The following MEIKIN variants were observed in gnomAD, a reference collection of about 807,000 sequenced individuals.
The protein encoded by MEIKIN is meiotic kinetochore factor.
chr5:131,927,650 G>A (rs905249217), intron 5 of MEIKIN, among the ~76,000 whole-genome samples: 1 of 152,120 alleles, frequency 6.6e-6, no homozygotes, highest in Non-Finnish European at 1.5e-5. Flanking sequence ...GATGTTGGGT[G>A]CATACATATT....
At chr5:131,873,526 T>C (rs1750546902) in intron 9 of MEIKIN, among the ~76,000 whole-genome samples, 1 of 152,168 alleles carries the variant, frequency 6.6e-6, no homozygotes, top group Non-Finnish European at 1.5e-5. Context: ...ACAAAGAGAC[T>C]TAGACTCCCA....
intron 11 of MEIKIN, among the ~76,000 whole-genome samples, chr5:131,829,154 G>A (rs1218211501): frequency 6.6e-6 from 1 of 151,922 alleles, no homozygotes; most frequent in African/African-American, 2.4e-5. Flanking sequence ...GCTTCTCAAA[G>A]CAACACTGGA....
intron 7 of MEIKIN, among the ~76,000 whole-genome samples, chr5:131,912,941 A>G (rs370738008): frequency 6.6e-5 from 10 of 152,290 alleles, no homozygotes; most frequent in African/African-American, 2.4e-4. Context: ...TTTGGAAACT[A>G]CACTTTGGGT....
chr5:131,929,246 G>A (rs1237379760), intron 5 of MEIKIN, among the ~76,000 whole-genome samples: 2 of 152,076 alleles, frequency 1.3e-5, no homozygotes, highest in Admixed American at 1.3e-4. Context: ...TATGACTTTT[G>A]ACAACTCATT....
intron 8 of MEIKIN, among the ~76,000 whole-genome samples, chr5:131,885,078 T>C (rs1005338307): frequency 2.0e-5 from 3 of 152,184 alleles, no homozygotes; most frequent in African/African-American, 7.2e-5. Context: ...ACAGCCACTC[T>C]GGACCTGCCC....
chr5:131,910,796 A>G (rs1257904742), intron 8 of MEIKIN, among the ~76,000 whole-genome samples: 1 of 152,108 alleles, frequency 6.6e-6, no homozygotes. Context: ...TGGCTTATTT[A>G]ATTTTAAATT....
At position 131,921,907 on chromosome 5, in the gene MEIKIN, C is replaced by T. The variant is rs1751512000; in HGVS notation, c.513G>A (p.Gln171=). The T allele has an allele frequency of 2.5e-6, 1 of 398,900 alleles. No individual in the cohort carries two copies. The highest frequency in any genetic ancestry group is 4.4e-5 in the Admixed American group (1 of 22,718). 24.7% of individuals were successfully genotyped at this position (398,900 alleles called of 1,614,324 possible). Residue 171 remains glutamine, a synonymous_variant, in exon 6 of 13, where the codon CAG becomes CAA. Transcript: ENST00000442687. ...TATCCAGAAGAGTAGAATTCTTCCA[C>T]TGCATGTGTTCTTCCAAGTTGGGAC... ...WECPNLEEHM[Q]WKNSTLLDTS...
intron 11 of MEIKIN, among the ~76,000 whole-genome samples, chr5:131,824,527 A>G (rs920395037): frequency 7.2e-5 from 11 of 151,948 alleles, no homozygotes; most frequent in Admixed American, 5.2e-4. Context: ...GTCTTAAAAC[A>G]AAACAAAACA....
chr5:131,911,047 G>A (rs1278874797), intron 8 of MEIKIN, among the ~76,000 whole-genome samples: 1 of 151,964 alleles, frequency 6.6e-6, no homozygotes, highest in Non-Finnish European at 1.5e-5. Flanking sequence ...TTCTTCCAAT[G>A]CTAACCCTCC....
chr5:131,900,878 T>TG (rs1339851756), intron 8 of MEIKIN, among the ~76,000 whole-genome samples: 1 of 152,114 alleles, frequency 6.6e-6, no homozygotes, highest in Admixed American at 6.5e-5. Context: ...AGCCCTCCCA[T>TG]GCCCTCCCCC....
At chr5:131,825,375 T>G (rs1267430431) in intron 11 of MEIKIN, among the ~76,000 whole-genome samples, 2 of 152,162 alleles carry the variant, frequency 1.3e-5, no homozygotes, top group Non-Finnish European at 2.9e-5. Flanking sequence ...GCTGTTATAC[T>G]CAGGGTTACA....
intron 5 of MEIKIN, among the ~76,000 whole-genome samples, chr5:131,926,334 A>G (rs1051811407): frequency 7.9e-5 from 12 of 152,132 alleles, no homozygotes; most frequent in Non-Finnish European, 4.4e-5. Context: ...GTAGTGTATC[A>G]CTTTAGTTGA....
chr5:131,903,887 G>A (rs1471017466), intron 8 of MEIKIN, among the ~76,000 whole-genome samples: 1 of 150,994 alleles, frequency 6.6e-6, no homozygotes, highest in Non-Finnish European at 1.5e-5. Context: ...CTGTCTTCAA[G>A]AGATCCATCT....
intron 11 of MEIKIN, among the ~76,000 whole-genome samples, chr5:131,833,934 T>A (rs1749756741): frequency 6.6e-6 from 1 of 152,218 alleles, no homozygotes; most frequent in South Asian, 2.1e-4. Flanking sequence ...TATTCTCAGA[T>A]AATAAAAACT....
At chr5:131,814,782 A>G (rs1309061930) in intron 12 of MEIKIN, among the ~76,000 whole-genome samples, 1 of 152,150 alleles carries the variant, frequency 6.6e-6, no homozygotes, top group Non-Finnish European at 1.5e-5. Flanking sequence ...GCTAACTGGT[A>G]TCCTCTTTGT....
intron 9 of MEIKIN, among the ~76,000 whole-genome samples, chr5:131,856,877 C>T (rs2149617370): frequency 6.6e-6 from 1 of 151,400 alleles, no homozygotes; most frequent in South Asian, 2.1e-4. Context: ...TAGTTCTTAT[C>T]AATGCAGGTT....
chr5:131,810,227 T>C (rs967147148), intron 12 of MEIKIN, among the ~76,000 whole-genome samples: 1 of 152,240 alleles, frequency 6.6e-6, no homozygotes, highest in African/African-American at 2.4e-5. Flanking sequence ...TCACTAAAGA[T>C]AACATATGCA....
chr5:131,824,848 C>T (rs1265549555), intron 11 of MEIKIN, among the ~76,000 whole-genome samples: 1 of 151,846 alleles, frequency 6.6e-6, no homozygotes, highest in Non-Finnish European at 1.5e-5. Context: ...ATTTAGGAAG[C>T]CCAATCCCAA....
rs182045292 is a variant in MEIKIN, at chr5:131,865,306, G to A, written c.775-10472C>T. On this transcript the variant is annotated intron_variant, in intron 9 of 12. Coordinates refer to ENST00000442687, the MANE Select transcript of MEIKIN (RefSeq NM_001303622.2). Reference sequence around the variant, plus strand: ...ACAATCTCCACTCACTGCAAGCTCCGCCTCCTCGGTTCATGCCATTCTCCT... The same window carrying A: ...ACAATCTCCACTCACTGCAAGCTCCACCTCCTCGGTTCATGCCATTCTCCT... Among the ~76,000 whole-genome samples, 1,337 of 151,730 alleles carry A rather than the reference G, an allele frequency of 8.8e-3. 12 individuals are homozygous for A. The highest frequency in any genetic ancestry group is 0.012 in the Non-Finnish European group (848 of 67,928).
Sources: gnomAD v4.1 joint callset for allele counts (sites outside exome capture counted in the v4.1 genomes callset) on GRCh38, gnomAD v4.1.1 for gene constraint, MANE v1.5 for transcripts, NCBI Gene and HGNC (gene_info 2026-07-23, HGNC 2026-07-21) for gene names.